The following REEP2 variants were observed in gnomAD, a reference collection of about 807,000 sequenced individuals.
The protein encoded by REEP2 is receptor expression-enhancing protein 2.
Under a neutral mutation model 32.1 loss-of-function variants are expected in REEP2, and 9 were observed. The ratio of observed to expected loss-of-function variants is 0.28; its 90% confidence interval spans 0.17 to 0.49. REEP2 has a LOEUF of 0.49. REEP2 is among the 20% of genes least tolerant of loss of function. REEP2 has a pLI of 0.99. For synonymous variants in REEP2, 128 were observed against 139.1 expected, an observed-to-expected ratio of 0.92 and a Z score of 0.56; for missense variants, 236 against 338.0, an observed-to-expected ratio of 0.70 and a Z score of 2.37.
In REEP2 at chr5:138,441,467, G is replaced by T. The variant is rs1159901695; in HGVS notation, c.182+6G>T. 1.2e-6 allele frequency: 2 copies of T among 1,613,430 alleles called. No homozygotes were observed. The highest frequency in any genetic ancestry group is 2.7e-5 in the African/African-American group (2 of 74,890). On this transcript the variant is annotated splice_donor_region_variant and intron_variant, in intron 3 of 7. Coordinates refer to ENST00000378339, the MANE Select transcript of REEP2 (RefSeq NM_001271803.2). This position sits in a 1 kb window ranked among gnomAD's most constrained non-coding sequence, Gnocchi z 4.4. ...ACGGATATAGTGCTCTCCTGGTGAG[G>T]TCCAGCGTCCCCTCCTGTATCTCAG...
Position 138,445,334 on chromosome 5 carries a change from G to A in REEP2, c.524G>A (p.Arg175Gln), listed in dbSNP as rs199638172. ...CTGCAGAGGCCTGACGGCCGCCTCCGACCCAGCCCTGGCAGCCTCCTGGAC... is the reference window on the plus strand; with the variant it reads ...CTGCAGAGGCCTGACGGCCGCCTCCAACCCAGCCCTGGCAGCCTCCTGGAC... Reference protein sequence around the residue: ...LPLQRPDGRLRPSPGSLLDTI... With the variant: ...LPLQRPDGRLQPSPGSLLDTI... The change falls in exon 6 of 8, where the codon CGA becomes CAA. Residue 175 changes from arginine (R) to glutamine (Q), a missense_variant. Transcript: ENST00000378339. The A allele has an allele frequency of 4.6e-5, 74 of 1,613,466 alleles. No homozygotes were observed. Among genetic ancestry groups the A allele is most frequent in the Admixed American group, 3.3e-5 (2 of 59,970 alleles).
intron 5 of REEP2, 37 bp downstream of exon 5, chr5:138,444,904 A>C: frequency 2.0e-6 from 3 of 1,502,166 alleles, no homozygotes; most frequent in Non-Finnish European, 2.7e-6. Context: ...CAGGGCCCCT[A>C]CCTTGTACAA....
At chr5:138,443,354 G>A (rs989046436) in intron 3 of REEP2, among the ~76,000 whole-genome samples, 1 of 151,388 alleles carries the variant, frequency 6.6e-6, no homozygotes, top group South Asian at 2.1e-4. Context: ...CAACTACTCA[G>A]GAGGCTGAGG....
chr5:138,439,384 A>T, intron 1 of REEP2, 144 bp downstream of exon 1: 1 of 798,602 alleles, frequency 1.3e-6, no homozygotes, highest in Non-Finnish European at 1.9e-6. Context: ...AGACATGGAG[A>T]TGTGGCACCC....
chr5:138,445,389 C>T lies in REEP2; in HGVS notation c.565+14C>T. On this transcript the variant is annotated intron_variant, in intron 6 of 7. Transcript: ENST00000378339. The stretch of plus-strand genomic sequence containing the variant: ...TCGAGGACTTAGGTACAGGCAGGGC[C>T]CGGGGTTGGGGTGGGGCCCCAAGGG... The T allele has an allele frequency of 1.2e-6, 2 of 1,612,192 alleles. No homozygotes were observed. The highest frequency in any genetic ancestry group is 2.2e-5 in the South Asian group (2 of 90,896).
intron 4 of REEP2, 107 bp downstream of exon 4, chr5:138,444,642 G>A (rs1561807112): frequency 6.4e-7 from 1 of 1,572,006 alleles, no homozygotes; most frequent in Non-Finnish European, 8.7e-7. Flanking sequence ...AGAGCCCAAA[G>A]TGACTTGGCA....
chr5:138,439,587 G>A, intron 1 of REEP2: 1 of 493,148 alleles, frequency 2.0e-6, no homozygotes, highest in South Asian at 1.6e-5. Flanking sequence ...GGTCTGGGCT[G>A]GAGGAGATCC....
chr5:138,441,053 T>G lies in REEP2; in HGVS notation c.70T>G (p.Tyr24Asp). 6.2e-7 allele frequency: 1 copy of G among 1,613,746 alleles called. No homozygotes were observed. The highest frequency in any genetic ancestry group is 8.5e-7 in the Non-Finnish European group (1 of 1,180,006). ...CACCCTGTACCCAGCCTATTCTTCC[T>G]ACAAGGCCGTGAAGACAAAAAACGT... ...FGTLYPAYSS[Y>D]KAVKTKNVKE... Residue 24 changes from tyrosine (Y) to aspartate (D), a missense_variant, in exon 2 of 8, where the codon TAC (tyrosine) becomes GAC (aspartate). By Grantham distance (160) the Tyr-to-Asp change is radical. Transcript: ENST00000378339. The surrounding 1 kb of genome is among the most constrained non-coding windows in gnomAD (Gnocchi z 4.4).
intron 3 of REEP2, among the ~76,000 whole-genome samples, chr5:138,443,402 G>T (rs549262090): frequency 8.2e-5 from 12 of 146,710 alleles, no homozygotes; most frequent in Non-Finnish European, 1.6e-4. Flanking sequence ...AGAGGTTGCA[G>T]TGAGCCAAGA....
chr5:138,445,965 G>T lies in REEP2; in HGVS notation c.*214G>T. On this transcript the variant is annotated 3_prime_UTR_variant, in exon 8 of 8. Transcript: ENST00000378339. ...GCTGTGGGGGTTGAGGGTAGAGGGT[G>T]GACCAGAGGCTGAGGACTGAGCCAC... The T allele has an allele frequency of 1.7e-6, 1 of 594,482 alleles. No homozygotes were observed. The highest frequency in any genetic ancestry group is 3.0e-6 in the Non-Finnish European group (1 of 337,308). The allele number at this position is 594,482 out of a possible 1,614,324, so 36.8% of individuals were successfully genotyped here.
chr5:138,441,080 A>G lies in REEP2; in HGVS notation c.97A>G (p.Lys33Glu). Reference protein sequence around the residue: ...SYKAVKTKNVKEYVKWMMYWI... With the variant: ...SYKAVKTKNVEEYVKWMMYWI... ...CAAGGCCGTGAAGACAAAAAACGTG[A>G]AGGAATATGTGAGTGGATGACCCTT... Residue 33 changes from lysine to glutamate, a missense_variant, in exon 2 of 8, where the codon AAG becomes GAG. Lys to Glu is a moderately conservative substitution (Grantham distance 56). Transcript: ENST00000378339. The surrounding 1 kb of genome is among the most constrained non-coding windows in gnomAD (Gnocchi z 4.4). 6.2e-6 allele frequency: 10 copies of G among 1,613,854 alleles called. No individual in the cohort carries two copies. The highest frequency in any genetic ancestry group is 8.5e-6 in the Non-Finnish European group (10 of 1,180,006).
rs534055026 is a variant in REEP2, at chr5:138,441,408, C to T, written c.129C>T (p.Ile43=). Residue 43 remains isoleucine (I), a synonymous_variant, in exon 3 of 8, where the codon ATC becomes ATT. Coordinates refer to ENST00000378339, the MANE Select transcript of REEP2 (RefSeq NM_001271803.2). The surrounding 1 kb of genome is among the most constrained non-coding windows in gnomAD (Gnocchi z 4.4). Reference sequence around the variant, plus strand: ...AGGTGAAATGGATGATGTACTGGATCGTCTTTGCCTTCTTCACCACGGCCG... The same window carrying T: ...AGGTGAAATGGATGATGTACTGGATTGTCTTTGCCTTCTTCACCACGGCCG... ...KEYVKWMMYW[I]VFAFFTTAET... is the part of the protein sequence containing the mutation. 11 of 1,614,144 alleles carry T rather than the reference C, an allele frequency of 6.8e-6. No homozygotes were observed. Among genetic ancestry groups the T allele is most frequent in the East Asian group, 2.2e-5 (1 of 44,880 alleles).
chr5:138,444,670 C>T (rs866979509), intron 4 of REEP2, 84 bp from the exon 5 acceptor site: 20 of 1,560,796 alleles, frequency 1.3e-5, no homozygotes, highest in Middle Eastern at 3.4e-4. Flanking sequence ...CGTGGCCTCC[C>T]GGAGCAGGCA....
At chr5:138,444,218 A>C (rs1185923233) in intron 3 of REEP2, 197 bp from the exon 4 acceptor site, 1 of 553,842 alleles carries the variant, frequency 1.8e-6, no homozygotes, top group East Asian at 3.1e-5. Context: ...GTCACTGCTT[A>C]CCTTCCTGTT....
chr5:138,439,538 T>G, intron 1 of REEP2: 1 of 515,842 alleles, frequency 1.9e-6, no homozygotes, highest in Admixed American at 2.7e-5. Context: ...CGGCTTGATT[T>G]AAAAGGGGAG....
intron 1 of REEP2, 170 bp from the exon 2 acceptor site, chr5:138,440,846 G>T: frequency 7.6e-7 from 1 of 1,315,726 alleles, no homozygotes; most frequent in Non-Finnish European, 1.0e-6. Context: ...CACCCTACCT[G>T]GCTGGGCATG....
intron 5 of REEP2, 171 bp downstream of exon 5, chr5:138,445,038 G>A (rs1004603981): frequency 3.8e-6 from 3 of 788,294 alleles, no homozygotes; most frequent in East Asian, 2.7e-5. Flanking sequence ...TTGATTGTCC[G>A]GCCATTTCCC....
In REEP2 at chr5:138,441,448, A is replaced by G; in HGVS notation, c.169A>G (p.Ile57Val). Reference protein sequence around the residue: ...FFTTAETLTDIVLSWFPFYFE... With the variant: ...FFTTAETLTDVVLSWFPFYFE... ...CACCACGGCCGAGACGCTCACGGATATAGTGCTCTCCTGGTGAGGTCCAGC... is the reference window on the plus strand; with the variant it reads ...CACCACGGCCGAGACGCTCACGGATGTAGTGCTCTCCTGGTGAGGTCCAGC... Residue 57 changes from isoleucine (I) to valine (V), a missense_variant, in exon 3 of 8, where the codon ATA becomes GTA. Physicochemically the swap from Ile to Val is conservative, Grantham distance 29. Transcript: ENST00000378339. The surrounding 1 kb of genome is among the most constrained non-coding windows in gnomAD (Gnocchi z 4.4). The G allele has an allele frequency of 6.2e-7, 1 of 1,614,106 alleles. No individual in the cohort carries two copies. The highest frequency in any genetic ancestry group is 8.5e-7 in the Non-Finnish European group (1 of 1,179,980).
At position 138,439,257 on chromosome 5, in the gene REEP2, C is replaced by CG. The variant is rs765325774; in HGVS notation, c.32+23dup. 15 of 1,416,028 alleles carry CG rather than the reference C, an allele frequency of 1.1e-5. No homozygotes were observed. In the South Asian group the frequency reaches 1.4e-4, roughly 13 times the overall value. The allele number at this position is 1,416,028 out of a possible 1,614,324, so 87.7% of individuals were successfully genotyped here. ...CCTGGTGGTGTGAGTGCGGCGGCGG[C>CG]GGGGGGTGATGCGGGCTGTGATGGA... On this transcript the variant is annotated intron_variant, in intron 1 of 7. Coordinates refer to ENST00000378339, the MANE Select transcript of REEP2 (RefSeq NM_001271803.2).
Sources: allele counts gnomAD v4.1 joint callset (sites outside exome capture counted in the v4.1 genomes callset), GRCh38; gene constraint gnomAD v4.1.1; non-coding constraint Gnocchi (gnomAD v3.1); transcripts MANE v1.5; gene names NCBI Gene and HGNC (gene_info 2026-07-23, HGNC 2026-07-21).